Variants in ZFHX3 observed in about 807,000 individuals in gnomAD.
ZFHX3 encodes the protein zinc finger homeobox protein 3.
Under a neutral mutation model 279.1 loss-of-function variants are expected in ZFHX3, and 42 were observed. That is an observed-to-expected ratio of 0.15 (90% CI 0.12 to 0.19). The LOEUF (loss-of-function observed/expected upper bound fraction) is 0.19. ZFHX3 is among the 10% of genes least tolerant of loss of function. The pLI is 1.00. For synonymous variants in ZFHX3, 2,293 were observed against 1,957.8 expected (o/e 1.17, Z -4.52); for missense variants, 4,981 against 4,754.0 (o/e 1.05, Z -1.40).
chr16:73,180,271 C>T (rs952315709), intron 5 of ZFHX3, among the ~76,000 whole-genome samples: 4 of 152,122 alleles, frequency 2.6e-5, no homozygotes, highest in African/African-American at 9.7e-5. Context: ...AATTTAAAGG[C>T]ATGTTGGGAA....
At chr16:73,331,842 A>C (rs140829632) in intron 3 of ZFHX3, among the ~76,000 whole-genome samples, 52 of 152,336 alleles carry the variant, frequency 3.4e-4, no homozygotes, top group African/African-American at 1.2e-3. Context: ...GGGGTTAGAA[A>C]AAGACGTGCC....
At chr16:73,823,887 G>C (rs576662270) in intron 1 of ZFHX3, among the ~76,000 whole-genome samples, 142 of 152,282 alleles carry the variant, frequency 9.3e-4, no homozygotes, top group African/African-American at 3.2e-3. Flanking sequence ...AAGAGTCATA[G>C]GAGGGAAAAG....
At chr16:73,236,014 A>G (rs1184128783) in intron 5 of ZFHX3, among the ~76,000 whole-genome samples, 2 of 152,198 alleles carry the variant, frequency 1.3e-5, no homozygotes, top group Non-Finnish European at 2.9e-5. Flanking sequence ...GTTAAGTGAA[A>G]CATATTTGCA....
intron 1 of ZFHX3, among the ~76,000 whole-genome samples, chr16:73,779,643 A>C (rs527677378): frequency 3.3e-5 from 5 of 152,374 alleles, no homozygotes; most frequent in African/African-American, 1.2e-4. Context: ...GAGAAGCACC[A>C]GTCAACAGTG....
chr16:73,867,394 G>C (rs757760103), intron 1 of ZFHX3, among the ~76,000 whole-genome samples: 74 of 152,260 alleles, frequency 4.9e-4, no homozygotes, highest in Non-Finnish European at 5.0e-4. Context: ...ACGTAGCTTA[G>C]TAAGGTGGAT....
intron 5 of ZFHX3, among the ~76,000 whole-genome samples, chr16:73,191,597 G>T (rs1204303267): frequency 1.3e-5 from 2 of 152,120 alleles, no homozygotes; most frequent in Admixed American, 6.5e-5. Flanking sequence ...CTCCCGTTTG[G>T]TCACCTCCAT....
At chr16:73,295,594 T>C (rs1055904736) in intron 4 of ZFHX3, among the ~76,000 whole-genome samples, 5 of 152,252 alleles carry the variant, frequency 3.3e-5, no homozygotes, top group African/African-American at 1.2e-4. Context: ...TTTGTAGAAC[T>C]GGGTAAGAAC....
intron 7 of ZFHX3, chr16:73,127,253 A>C (rs1966584733): frequency 9.3e-7 from 1 of 1,076,966 alleles, no homozygotes. Context: ...TCAGAGCTAA[A>C]GGCTGCCGAT....
intron 7 of ZFHX3, among the ~76,000 whole-genome samples, chr16:73,120,649 CCT>C (rs1491177876): frequency 5.6e-5 from 6 of 106,206 alleles, no homozygotes; most frequent in African/African-American, 1.0e-4. Context: ...ATCCTCTCTA[CCT>C]TTTTTTTTTT....
intron 1 of ZFHX3, among the ~76,000 whole-genome samples, chr16:73,044,724 C>A (rs889443387): frequency 2.0e-5 from 3 of 152,180 alleles, no homozygotes; most frequent in Non-Finnish European, 4.4e-5. Context: ...CAGATTCAAG[C>A]GATTCTCCTG....
intron 2 of ZFHX3, among the ~76,000 whole-genome samples, chr16:73,577,817 A>G (rs916611905): frequency 2.0e-5 from 3 of 152,198 alleles, no homozygotes; most frequent in Non-Finnish European, 4.4e-5. Context: ...TACCCTACGA[A>G]TTTAATAACT....
intron 4 of ZFHX3, among the ~76,000 whole-genome samples, chr16:73,304,925 G>T (rs2015145005): frequency 6.6e-6 from 1 of 152,150 alleles, no homozygotes; most frequent in African/African-American, 2.4e-5. Flanking sequence ...TTGGGAGCAT[G>T]TCAGTAGCTG....
intron 1 of ZFHX3, among the ~76,000 whole-genome samples, chr16:73,029,760 T>C (rs757095457): frequency 6.6e-6 from 1 of 152,200 alleles, no homozygotes; most frequent in Non-Finnish European, 1.5e-5. Context: ...CTGTTGTCAT[T>C]ACTCAACTTC....
intron 3 of ZFHX3, among the ~76,000 whole-genome samples, chr16:73,454,205 T>C (rs1030490998): frequency 6.6e-6 from 1 of 152,134 alleles, no homozygotes; most frequent in African/African-American, 2.4e-5. Flanking sequence ...ATGGCAACAA[T>C]AGATAAGAGA....
At chr16:73,192,172 C>T (rs1353896353) in intron 5 of ZFHX3, among the ~76,000 whole-genome samples, 1 of 152,138 alleles carries the variant, frequency 6.6e-6, no homozygotes, top group East Asian at 1.9e-4. Flanking sequence ...AAGTCTCAGC[C>T]CCTGGGATCA....
intron 2 of ZFHX3, among the ~76,000 whole-genome samples, chr16:73,530,387 A>C (rs547094658): frequency 6.6e-6 from 1 of 152,302 alleles, no homozygotes; most frequent in Admixed American, 6.5e-5. Context: ...GCCAAACGGA[A>C]GTTAATTACC....
At chr16:73,474,004 G>A (rs1597349239) in intron 2 of ZFHX3, among the ~76,000 whole-genome samples, 1 of 152,118 alleles carries the variant, frequency 6.6e-6, no homozygotes, top group Non-Finnish European at 1.5e-5. Flanking sequence ...CAAGGAACCT[G>A]AGATAGGAAA....
chr16:73,266,981 A>T (rs1043206432), intron 4 of ZFHX3, among the ~76,000 whole-genome samples: 1 of 152,238 alleles, frequency 6.6e-6, no homozygotes, highest in African/African-American at 2.4e-5. Context: ...GGCAGAAAGG[A>T]GATGTGAACC....
At chr16:72,955,037 T>G (rs1375427435) in intron 2 of ZFHX3, among the ~76,000 whole-genome samples, 1 of 152,220 alleles carries the variant, frequency 6.6e-6, no homozygotes, top group Non-Finnish European at 1.5e-5. Flanking sequence ...TGTTTTTATT[T>G]GCATAAGTTG....
Sources: allele counts gnomAD v4.1 joint callset (sites outside exome capture counted in the v4.1 genomes callset), GRCh38; gene constraint gnomAD v4.1.1; transcripts MANE v1.5; gene names NCBI Gene and HGNC (gene_info 2026-07-23, HGNC 2026-07-21).